Variants in PHF21A observed in about 807,000 individuals in gnomAD.
PHF21A encodes BHC80a.
PHF21A carries 11 observed loss-of-function variants against 82.5 expected under a neutral mutation model. The ratio of observed to expected loss-of-function variants is 0.13; its 90% CI spans 0.08 to 0.22. The LOEUF is 0.22. Ranked by LOEUF, PHF21A falls within the 10% of genes least tolerant of loss-of-function variation. The pLI is 1.00. For synonymous variants in PHF21A, 297 were observed against 302.8 expected (o/e 0.98, Z 0.20); for missense variants, 579 against 837.8 (o/e 0.69, Z 3.81).
chr11:46,108,676 A>G (rs12575808), intron 1 of PHF21A, among the ~76,000 whole-genome samples: 9,402 of 151,916 alleles, frequency 0.062, 1,377 homozygotes, highest in East Asian at 0.58. Flanking sequence ...CTATATTGCT[A>G]GAATGACTTT....
chr11:45,971,454 T>G, intron 7 of PHF21A, 87 bp from the exon 8 acceptor site: 1 of 1,229,302 alleles, frequency 8.1e-7, no homozygotes, highest in South Asian at 1.5e-5. Context: ...CTGCTTAACC[T>G]TGGAAGAAAA....
intron 1 of PHF21A, among the ~76,000 whole-genome samples, chr11:46,095,846 G>A (rs1414051227): frequency 6.6e-6 from 1 of 152,106 alleles, no homozygotes; most frequent in East Asian, 1.9e-4. Flanking sequence ...TTTATAGCCT[G>A]TGCTCAATCA....
intron 6 of PHF21A, among the ~76,000 whole-genome samples, chr11:46,052,516 C>T (rs2096383783): frequency 6.6e-6 from 1 of 151,368 alleles, no homozygotes; most frequent in South Asian, 2.1e-4. Context: ...GTTTTCTGAA[C>T]TCTGAGAAGA....
At chr11:46,041,957 G>A (rs892536285) in intron 6 of PHF21A, among the ~76,000 whole-genome samples, 28 of 152,102 alleles carry the variant, frequency 1.8e-4, no homozygotes, top group African/African-American at 6.5e-4. Context: ...AGATCCTGGG[G>A]ACAGGATTCA....
intron 6 of PHF21A, among the ~76,000 whole-genome samples, chr11:45,982,746 G>A (rs531018859): frequency 2.6e-5 from 4 of 152,016 alleles, no homozygotes; most frequent in Non-Finnish European, 5.9e-5. Context: ...AGCAGCCAGA[G>A]AAAGGAACCC....
chr11:45,951,335 G>A (rs2092083164), intron 11 of PHF21A, among the ~76,000 whole-genome samples: 1 of 152,230 alleles, frequency 6.6e-6, no homozygotes, highest in African/African-American at 2.4e-5. Flanking sequence ...GGCCTGAAGT[G>A]ATAGGTTCAG....
chr11:45,991,577 C>T (rs1026539866), intron 6 of PHF21A, among the ~76,000 whole-genome samples: 3 of 152,206 alleles, frequency 2.0e-5, no homozygotes, highest in East Asian at 1.9e-4. Flanking sequence ...CACACATGCA[C>T]GCGTGCACTT....
Position 46,082,326 on chromosome 11 carries a change from T to C in PHF21A, c.54+1840A>G, listed in dbSNP as rs550125452. On this transcript the variant is annotated intron_variant, in intron 4 of 18. Coordinates refer to ENST00000676320, the MANE Select transcript of PHF21A (RefSeq NM_001352027.3). ...TCCCACTATTTCGTCAAATGTATGT[T>C]CTGGCTTTGGTCTCAGCCTAGTAAC... is the stretch of plus-strand genomic sequence containing the variant. Among the ~76,000 whole-genome samples the C allele has an allele frequency of 1.4e-3, 216 of 152,344 alleles. 1 individual carries two copies. Among genetic ancestry groups the C allele is most frequent in the Middle Eastern group, 0.01 (3 of 294 alleles).
chr11:45,985,929 C>A (rs191277165), intron 6 of PHF21A, among the ~76,000 whole-genome samples: 2 of 152,026 alleles, frequency 1.3e-5, no homozygotes, highest in African/African-American at 4.8e-5. Context: ...ACAACAGCAG[C>A]AACTGTAATT....
At chr11:45,981,807 G>T (rs932417550) in intron 6 of PHF21A, among the ~76,000 whole-genome samples, 14 of 151,310 alleles carry the variant, frequency 9.3e-5, no homozygotes, top group African/African-American at 3.4e-4. Flanking sequence ...CCAAATCTGT[G>T]GATTACTCAT....
intron 10 of PHF21A, 58 bp from the exon 11 acceptor site, chr11:45,953,683 C>A: frequency 9.3e-7 from 1 of 1,073,642 alleles, no homozygotes. Flanking sequence ...AAGGATGAAG[C>A]AATCAGAAGT....
intron 6 of PHF21A, among the ~76,000 whole-genome samples, chr11:46,057,698 A>C (rs2096480114): frequency 6.6e-6 from 1 of 152,164 alleles, no homozygotes; most frequent in African/African-American, 2.4e-5. Context: ...CTGTTCTAGA[A>C]CTTACCCTAG....
chr11:45,990,399 CACG>C, intron 6 of PHF21A, among the ~76,000 whole-genome samples: 1 of 151,850 alleles, frequency 6.6e-6, no homozygotes, highest in Non-Finnish European at 1.5e-5. Context: ...GCTGGGACTA[CACG>C]AATGCACCAC....
intron 7 of PHF21A, among the ~76,000 whole-genome samples, chr11:45,974,633 T>C (rs1225486349): frequency 6.6e-6 from 1 of 151,932 alleles, no homozygotes; most frequent in Non-Finnish European, 1.5e-5. Flanking sequence ...TTTTTTATTT[T>C]TAGTAGAGAC....
chr11:46,076,293 A>C (rs2096724655), intron 6 of PHF21A, among the ~76,000 whole-genome samples: 4 of 152,208 alleles, frequency 2.6e-5, no homozygotes, highest in Admixed American at 2.6e-4. Flanking sequence ...ATAGAGATTA[A>C]CATAAAGGCA....
At chr11:46,064,493 A>G (rs2096571833) in intron 6 of PHF21A, among the ~76,000 whole-genome samples, 1 of 152,206 alleles carries the variant, frequency 6.6e-6, no homozygotes. Flanking sequence ...TTTGCTTCCT[A>G]AACTTGGGAG....
intron 10 of PHF21A, among the ~76,000 whole-genome samples, chr11:45,957,751 C>CAAAAAAAA: frequency 9.7e-4 from 59 of 60,818 alleles, no homozygotes; most frequent in East Asian, 1.7e-3. Context: ...AAATTCAAAG[C>CAAAAAAAA]AAAAAAAAAA....
chr11:46,004,620 T>C (rs1360715615), intron 6 of PHF21A, among the ~76,000 whole-genome samples: 1 of 152,232 alleles, frequency 6.6e-6, no homozygotes, highest in Non-Finnish European at 1.5e-5. Flanking sequence ...TTTGACCTCT[T>C]ATCAAACAAA....
chr11:46,030,184 T>C (rs1385521176), intron 6 of PHF21A, among the ~76,000 whole-genome samples: 2 of 152,228 alleles, frequency 1.3e-5, no homozygotes, highest in Non-Finnish European at 2.9e-5. Flanking sequence ...ACTGCAGGTT[T>C]AGAATCCCAG....
Sources: allele counts gnomAD v4.1 joint callset (sites outside exome capture counted in the v4.1 genomes callset), GRCh38; gene constraint gnomAD v4.1.1; transcripts MANE v1.5; gene names NCBI Gene and HGNC (gene_info 2026-07-23, HGNC 2026-07-21).